Variants in UBE3D observed in about 807,000 individuals in gnomAD.
The protein encoded by UBE3D is ubiquitin protein ligase E3D.
Under a neutral mutation model 49.6 loss-of-function variants are expected in UBE3D, and 48 were observed. That is an observed-to-expected ratio of 0.97 (90% CI 0.77 to 1.23). The LOEUF (loss-of-function observed/expected upper bound fraction) is 1.23, where lower values mean the gene tolerates loss of function less well. UBE3D is among the 50% of genes most tolerant of loss of function. UBE3D has a pLI of 0.00. For missense variants in UBE3D, 452 were observed against 468.4 expected (o/e 0.96, Z 0.32); for synonymous variants, 189 against 174.2 (o/e 1.08, Z -0.67).
chr6:82,881,112 C>T, the UBE3D span, among the ~76,000 whole-genome samples: 2 of 152,100 alleles, frequency 1.3e-5, no homozygotes, highest in African/African-American at 2.4e-5. Context: ...AACTTTCAGT[C>T]AGTTGCAGGA....
chr6:82,889,388 G>A (rs1770941162), downstream of UBE3D, among the ~76,000 whole-genome samples: 1 of 152,212 alleles, frequency 6.6e-6, no homozygotes, highest in Admixed American at 6.5e-5. Flanking sequence ...AGTTACATCA[G>A]CATGTCTGGG....
At chr6:83,032,256 G>A (rs1341478216) in intron 5 of UBE3D, 1 of 455,862 alleles carries the variant, frequency 2.2e-6, no homozygotes, top group Non-Finnish European at 4.4e-6. Context: ...CAAAACCACA[G>A]GAACAGAGCT....
At position 82,922,947 on chromosome 6, in the gene UBE3D, C is replaced by T. The variant is rs1445355562; in HGVS notation, c.1150-29905G>A. Among the ~76,000 whole-genome samples, 4 of 152,168 alleles carry T rather than the reference C, an allele frequency of 2.6e-5. No homozygotes were observed. In the East Asian group the frequency reaches 7.7e-4, roughly 29 times the overall value. On this transcript the variant is annotated intron_variant, in intron 9 of 9. Transcript: ENST00000369747. Reference sequence around the variant, plus strand: ...AGAAGACATTTATGCAGCCAACAGACATATGAAAAAATGCTCATCATCACT... The same window carrying T: ...AGAAGACATTTATGCAGCCAACAGATATATGAAAAAATGCTCATCATCACT...
intron 4 of UBE3D, among the ~76,000 whole-genome samples, chr6:83,039,496 T>G (rs1582716084): frequency 6.6e-6 from 1 of 152,226 alleles, no homozygotes; most frequent in Non-Finnish European, 1.5e-5. Context: ...CAGACAGAGC[T>G]GATGTCTGAA....
chr6:83,036,027 T>TA (rs1782225947), intron 5 of UBE3D: 1 of 145,824 alleles, frequency 6.9e-6, no homozygotes, highest in Non-Finnish European at 1.5e-5. Context: ...CTTCTTTTTT[T>TA]TTTTTTTTTT....
rs1489814126 is a variant in UBE3D at position 82,968,420 on chromosome 6, A to G, written c.1011-10970T>C. ...ATAATTCACTCTCTTTAATGGCTAT[A>G]TAACACATCAAGGTGTGTATGTCTA... On this transcript the variant is annotated intron_variant, in intron 8 of 9. Coordinates refer to ENST00000369747, the MANE Select transcript of UBE3D (RefSeq NM_198920.3). 3.4e-5 allele frequency among the ~76,000 whole-genome samples: 5 copies of G among 148,624 alleles called. No homozygotes were observed. The East Asian group carries it at 9.8e-4, about 29-fold the overall frequency.
At chr6:82,925,489 C>T (rs1050016031) in intron 9 of UBE3D, among the ~76,000 whole-genome samples, 2 of 152,138 alleles carry the variant, frequency 1.3e-5, no homozygotes, top group Non-Finnish European at 2.9e-5. Flanking sequence ...CTCAGGATTA[C>T]CTTCAGATGT....
intron 9 of UBE3D, among the ~76,000 whole-genome samples, chr6:82,897,859 C>T (rs543438088): frequency 3.3e-4 from 50 of 152,180 alleles, no homozygotes; most frequent in African/African-American, 1.2e-3. Context: ...AAAAGATATT[C>T]CTCTCAAAAG....
At chr6:82,903,703 T>C (rs1339634804) in intron 9 of UBE3D, among the ~76,000 whole-genome samples, 1 of 152,160 alleles carries the variant, frequency 6.6e-6, no homozygotes, top group Admixed American at 6.6e-5. Context: ...AATATAGCCA[T>C]TTAAGAATAA....
intron 1 of UBE3D, among the ~76,000 whole-genome samples, chr6:83,060,152 C>T (rs764517585): frequency 6.6e-6 from 1 of 152,144 alleles, no homozygotes; most frequent in Non-Finnish European, 1.5e-5. Context: ...AGGGCTTCAA[C>T]ATGTACATTT....
chr6:82,940,710 C>A (rs934784794), intron 9 of UBE3D, among the ~76,000 whole-genome samples: 1 of 152,148 alleles, frequency 6.6e-6, no homozygotes, highest in African/African-American at 2.4e-5. Context: ...AATAACAGGA[C>A]CCTGAGACCC....
chr6:82,951,605 C>T (rs1775802646), intron 9 of UBE3D, among the ~76,000 whole-genome samples: 1 of 152,164 alleles, frequency 6.6e-6, no homozygotes, highest in African/African-American at 2.4e-5. Flanking sequence ...ACCAGTAGAA[C>T]CCTTTGCCAC....
Position 82,918,584 on chromosome 6 carries a change from T to C in UBE3D, c.1150-25542A>G, listed in dbSNP as rs141578349. On this transcript the variant is annotated intron_variant, in intron 9 of 9. Coordinates refer to ENST00000369747, the MANE Select transcript of UBE3D (RefSeq NM_198920.3). ...GAATTTGTTGTAATAGGATGAATCA[T>C]TGAGATAAATACTAGTGTACTGTCT... is the stretch of plus-strand genomic sequence containing the variant. 1.6e-4 allele frequency among the ~76,000 whole-genome samples: 25 copies of C among 152,296 alleles called. No homozygotes were observed. In the East Asian group the frequency reaches 3.3e-3, roughly 20 times the overall value.
intron 9 of UBE3D, among the ~76,000 whole-genome samples, chr6:82,900,968 T>C (rs924132420): frequency 6.6e-6 from 1 of 152,192 alleles, no homozygotes. Flanking sequence ...TTGCCTACTA[T>C]AATTCCTGTT....
chr6:83,033,681 A>C (rs1782041956), intron 5 of UBE3D, among the ~76,000 whole-genome samples: 2 of 152,154 alleles, frequency 1.3e-5, no homozygotes, highest in South Asian at 4.1e-4. Flanking sequence ...AAGTTTCCTA[A>C]GGCCTCCCCC....
At chr6:82,941,382 A>G (rs564165956) in intron 9 of UBE3D, among the ~76,000 whole-genome samples, 6 of 152,056 alleles carry the variant, frequency 3.9e-5, no homozygotes, top group African/African-American at 1.4e-4. Context: ...TCACCCAGAG[A>G]TGAAAGTGGA....
intron 9 of UBE3D, chr6:82,932,666 T>C (rs1302104015): frequency 6.6e-6 from 1 of 152,234 alleles, no homozygotes; most frequent in African/African-American, 2.4e-5. Flanking sequence ...TGGAACTTAC[T>C]TATGTTTTTT....
chr6:83,039,516 C>G (rs950956800), intron 4 of UBE3D, among the ~76,000 whole-genome samples: 1 of 152,210 alleles, frequency 6.6e-6, no homozygotes, highest in East Asian at 1.9e-4. Context: ...ATCTGGGTCT[C>G]TCTGATGCTA....
intron 9 of UBE3D, among the ~76,000 whole-genome samples, chr6:82,904,153 G>A (rs572381946): frequency 2.0e-4 from 31 of 152,288 alleles, no homozygotes; most frequent in African/African-American, 7.0e-4. Context: ...TAAGTCCCCA[G>A]TTAATGTTGT....
Sources: gnomAD v4.1 joint callset for allele counts (sites outside exome capture counted in the v4.1 genomes callset) on GRCh38, gnomAD v4.1.1 for gene constraint, MANE v1.5 for transcripts, NCBI Gene and HGNC (gene_info 2026-07-23, HGNC 2026-07-21) for gene names.